MSRA: variants seen among roughly 807,000 people sequenced by gnomAD.
MSRA encodes methionine sulfoxide reductase A.
A neutral mutation model predicts 31.3 loss-of-function variants in MSRA; 54 were observed. The ratio of observed to expected loss-of-function variants is 1.73; its 90% confidence interval spans 1.39 to 2.17. MSRA has a LOEUF of 2.17. MSRA is among the 30% of genes most tolerant of loss of function. The pLI, the probability that MSRA is intolerant of heterozygous loss-of-function variation, is 0.00. For synonymous variants in MSRA, 169 were observed against 116.5 expected (o/e 1.45, Z -2.90); for missense variants, 507 against 300.9 (o/e 1.69, Z -5.07).
rs187294847 is a variant in MSRA, at chr8:10,055,664, A to C, written c.142+1006A>C. Among the ~76,000 whole-genome samples the C allele has an allele frequency of 1.2e-3, 183 of 152,016 alleles. 3 individuals are homozygous for C. The highest frequency in any genetic ancestry group is 4.2e-3 in the African/African-American group (174 of 41,434). ...GCTGTTGGAGGATTAAGTGATGTTTAATCTACACATGGCTCAATGCCAGAG... is the reference window on the plus strand; with the variant it reads ...GCTGTTGGAGGATTAAGTGATGTTTCATCTACACATGGCTCAATGCCAGAG... On this transcript the variant is annotated intron_variant, in intron 1 of 5. Transcript: ENST00000317173.
At chr8:10,175,309 A>G (rs961083792) in intron 1 of MSRA, among the ~76,000 whole-genome samples, 3 of 152,222 alleles carry the variant, frequency 2.0e-5, no homozygotes, top group Non-Finnish European at 4.4e-5. Flanking sequence ...GTAACCGTAT[A>G]TGCTCAGTGT....
chr8:10,357,419 G>A (rs1804571361), intron 5 of MSRA, among the ~76,000 whole-genome samples: 2 of 152,152 alleles, frequency 1.3e-5, no homozygotes, highest in Non-Finnish European at 2.9e-5. Flanking sequence ...AACCAATTAG[G>A]TCGTTTTCAA....
chr8:10,404,988 C>T (rs886502920), intron 5 of MSRA, among the ~76,000 whole-genome samples: 1 of 152,226 alleles, frequency 6.6e-6, no homozygotes, highest in South Asian at 2.1e-4. Flanking sequence ...GCCACAGTCA[C>T]AGGCTCCAGA....
chr8:10,152,974 A>G (rs1192919897), intron 1 of MSRA, among the ~76,000 whole-genome samples: 1 of 152,176 alleles, frequency 6.6e-6, no homozygotes, highest in Non-Finnish European at 1.5e-5. Flanking sequence ...TAGAGACAGA[A>G]GGTAGAACGG....
At chr8:10,278,728 C>T (rs562952879) in intron 3 of MSRA, among the ~76,000 whole-genome samples, 2 of 152,282 alleles carry the variant, frequency 1.3e-5, no homozygotes, top group African/African-American at 2.4e-5. Context: ...CATGGTAACT[C>T]CTAGAAGAAA....
At chr8:10,149,137 T>A (rs1354464516) in intron 1 of MSRA, among the ~76,000 whole-genome samples, 14 of 151,842 alleles carry the variant, frequency 9.2e-5, no homozygotes, top group South Asian at 2.1e-4. Context: ...TTTTTTTTTT[T>A]TTATTCGTAG....
At chr8:10,100,808 A>G (rs1799484875) in intron 1 of MSRA, among the ~76,000 whole-genome samples, 1 of 152,120 alleles carries the variant, frequency 6.6e-6, no homozygotes, top group South Asian at 2.1e-4. Context: ...ATCAGAGGAG[A>G]TGAACATTTT....
intron 1 of MSRA, among the ~76,000 whole-genome samples, chr8:10,161,566 A>C (rs1804647191): frequency 6.6e-6 from 1 of 152,156 alleles, no homozygotes; most frequent in African/African-American, 2.4e-5. Flanking sequence ...GTCTCTTAGG[A>C]GAGCCTCCTT....
At chr8:10,291,654 GTAT>G (rs1300844806) in intron 3 of MSRA, among the ~76,000 whole-genome samples, 2 of 152,144 alleles carry the variant, frequency 1.3e-5, no homozygotes, top group East Asian at 3.9e-4. Flanking sequence ...AAAAGGGGAG[GTAT>G]TATTCACCCA....
At chr8:10,263,120 A>G (rs917981532) in intron 3 of MSRA, among the ~76,000 whole-genome samples, 10 of 152,230 alleles carry the variant, frequency 6.6e-5, no homozygotes, top group Non-Finnish European at 1.5e-4. Flanking sequence ...TAGAAAAATT[A>G]TCATATTTTC....
intron 1 of MSRA, among the ~76,000 whole-genome samples, chr8:10,117,029 G>C (rs1474385964): frequency 2.0e-5 from 3 of 152,168 alleles, no homozygotes; most frequent in Non-Finnish European, 4.4e-5. Context: ...TTGGTTAACT[G>C]TATGGAATAA....
At chr8:10,275,651 A>G (rs1455889127) in intron 3 of MSRA, among the ~76,000 whole-genome samples, 1 of 152,180 alleles carries the variant, frequency 6.6e-6, no homozygotes, top group African/African-American at 2.4e-5. Flanking sequence ...CTTCACCACT[A>G]TGCACTGGCA....
chr8:10,174,163 A>G (rs907413534), intron 1 of MSRA, among the ~76,000 whole-genome samples: 1 of 152,202 alleles, frequency 6.6e-6, no homozygotes, highest in African/African-American at 2.4e-5. Flanking sequence ...CTGTCTGCAC[A>G]TTCCAAACAG....
intron 4 of MSRA, among the ~76,000 whole-genome samples, chr8:10,319,609 T>C (rs1801926805): frequency 6.6e-6 from 1 of 151,596 alleles, no homozygotes; most frequent in South Asian, 2.1e-4. Context: ...TAAAAGTATG[T>C]ATTCATAGAA....
At chr8:10,207,757 G>T in intron 1 of MSRA, 76 bp from the exon 2 acceptor site, 2 of 1,301,888 alleles carry the variant, frequency 1.5e-6, no homozygotes, top group African/African-American at 1.5e-5. Flanking sequence ...TAGGCTCATT[G>T]ACACATTTAA....
At position 10,083,637 on chromosome 8, in the gene MSRA, GT is replaced by G. The variant is rs1207156632; in HGVS notation, c.142+28985del. Among the ~76,000 whole-genome samples, 3 of 152,222 alleles carry G rather than the reference GT, an allele frequency of 2.0e-5. No homozygotes were observed. The South Asian group carries it at 6.2e-4, about 32-fold the overall frequency. On this transcript the variant is annotated intron_variant, in intron 1 of 5. Coordinates refer to ENST00000317173, the MANE Select transcript of MSRA (RefSeq NM_012331.5). ...GCAGTTCCAGATCATTTGTTTTTAA[GT>G]TTTTTAGTCTTTTAAACTATGCAGA...
intron 1 of MSRA, among the ~76,000 whole-genome samples, chr8:10,144,972 G>C (rs1328514888): frequency 6.7e-6 from 1 of 150,310 alleles, no homozygotes; most frequent in Non-Finnish European, 1.5e-5. Context: ...GGGGGAGGGG[G>C]CATGTAGGAG....
At chr8:10,265,964 T>C (rs992742965) in intron 3 of MSRA, among the ~76,000 whole-genome samples, 1 of 152,242 alleles carries the variant, frequency 6.6e-6, no homozygotes, top group Non-Finnish European at 1.5e-5. Flanking sequence ...AATGATATTC[T>C]CTTGTATGGA....
chr8:10,384,292 T>A (rs1427453408), intron 5 of MSRA, among the ~76,000 whole-genome samples: 1 of 152,152 alleles, frequency 6.6e-6, no homozygotes, highest in South Asian at 2.1e-4. Flanking sequence ...GTCAAATCCA[T>A]TGAGAGATGC....
Sources: allele counts gnomAD v4.1 joint callset (sites outside exome capture counted in the v4.1 genomes callset), GRCh38; gene constraint gnomAD v4.1.1; transcripts MANE v1.5; gene names NCBI Gene and HGNC (gene_info 2026-07-23, HGNC 2026-07-21).